Variants in SMYD1 observed in about 807,000 individuals in gnomAD.
SMYD1 encodes the protein SET and MYND domain containing 1.
Under a neutral mutation model 54.0 loss-of-function variants are expected in SMYD1, and 49 were observed. The observed-to-expected ratio is 0.91, with a 90% CI of 0.72 to 1.15. The LOEUF (loss-of-function observed/expected upper bound fraction) is 1.15. SMYD1 is among the 50% of genes most tolerant of loss of function. SMYD1 has a pLI of 0.00. For missense variants in SMYD1, 653 were observed against 639.6 expected (o/e 1.02, Z -0.23); for synonymous variants, 269 against 234.2 (o/e 1.15, Z -1.36).
intron 1 of SMYD1, among the ~76,000 whole-genome samples, chr2:88,079,474 T>C (rs1022938639): frequency 6.6e-6 from 1 of 152,108 alleles, no homozygotes; most frequent in East Asian, 1.9e-4. Flanking sequence ...CAGCGTGGAC[T>C]AAGTAAGGAC....
chr2:88,078,159 C>T (rs569397058), intron 1 of SMYD1, among the ~76,000 whole-genome samples: 2 of 152,258 alleles, frequency 1.3e-5, no homozygotes, highest in East Asian at 3.9e-4. Context: ...ATCAACCTGG[C>T]CCAGCCCTCT....
intron 6 of SMYD1, among the ~76,000 whole-genome samples, chr2:88,098,497 T>C (rs993759490): frequency 9.8e-5 from 15 of 152,346 alleles, no homozygotes; most frequent in South Asian, 4.1e-4. Context: ...CTTTCTATTA[T>C]ATTTTATATC....
chr2:88,075,321 T>C (rs1465460147), intron 1 of SMYD1, among the ~76,000 whole-genome samples: 1 of 152,164 alleles, frequency 6.6e-6, no homozygotes, highest in Non-Finnish European at 1.5e-5. Context: ...CCCATAATGA[T>C]GCTATCTTTA....
At position 88,087,869 on chromosome 2, in the gene SMYD1, G is replaced by T; in HGVS notation, c.322G>T (p.Ala108Ser). ...KVPNENIRLAARIMWRVEREG... is the reference protein window; with the variant it reads ...KVPNENIRLASRIMWRVEREG... ...ACGCTGCCCTTCCCACAGGCTGGCG[G>T]CGCGCATCATGTGGCGGGTGGAGAG... is the stretch of plus-strand genomic sequence containing the variant. The change falls in exon 3 of 10, where the codon GCG becomes TCG. Residue 108 changes from alanine (A) to serine (S), a missense_variant. Ala to Ser is a moderately conservative substitution (Grantham distance 99). Coordinates refer to ENST00000419482, the MANE Select transcript of SMYD1 (RefSeq NM_198274.4). The T allele has an allele frequency of 1.3e-6, 2 of 1,584,130 alleles. No individual in the cohort carries two copies. The highest frequency in any genetic ancestry group is 1.7e-6 in the Non-Finnish European group (2 of 1,164,446).
chr2:88,096,340 A>G (rs148881616), intron 5 of SMYD1, among the ~76,000 whole-genome samples: 19 of 152,326 alleles, frequency 1.2e-4, no homozygotes, highest in Non-Finnish European at 1.6e-4. Context: ...CCAGCTCTCT[A>G]CTAGGAGTCT....
In SMYD1 at chr2:88,108,466, G is replaced by C. The variant is rs749861575; in HGVS notation, c.1241G>C (p.Gly414Ala). 4 of 1,612,732 alleles carry C rather than the reference G, an allele frequency of 2.5e-6. No individual in the cohort carries two copies. The Admixed American group carries it at 6.7e-5, about 27-fold the overall frequency. The change falls in exon 9 of 10, where the codon GGG (glycine) becomes GCG (alanine). Residue 414 changes from glycine (G) to alanine (A), a missense_variant. Gly to Ala is a moderately conservative substitution (Grantham distance 60, BLOSUM62 0). Coordinates refer to ENST00000419482, the MANE Select transcript of SMYD1 (RefSeq NM_198274.4). ...GCTGGTAACATTGAGGTGGGGCACG[G>C]GATGATCTGCAAAGCCTATGCCATT... ...WHAGNIEVGH[G>A]MICKAYAILL...
chr2:88,101,351 G>A (rs559241586), intron 6 of SMYD1, among the ~76,000 whole-genome samples: 2 of 152,276 alleles, frequency 1.3e-5, no homozygotes, highest in South Asian at 4.1e-4. Context: ...TTCATATAGC[G>A]GAAAACTTTA....
In SMYD1 at chr2:88,112,472, C is replaced by T; in HGVS notation, c.*1960C>T. On this transcript the variant is annotated 3_prime_UTR_variant, in exon 10 of 10. Coordinates refer to ENST00000419482, the MANE Select transcript of SMYD1 (RefSeq NM_198274.4). ...CCAGACTTTGCTCCATCTATTATTG[C>T]TTCTCCATCCTGGATCCTTGACATT... 3.2e-6 allele frequency: 1 copy of T among 310,326 alleles called. No homozygotes were observed. Among genetic ancestry groups the T allele is most frequent in the Non-Finnish European group, 6.0e-6 (1 of 165,576 alleles). 19.2% of individuals were successfully genotyped at this position (310,326 alleles called of 1,614,324 possible).
chr2:88,106,549 A>G, intron 8 of SMYD1, 61 bp downstream of exon 8: 1 of 1,556,656 alleles, frequency 6.4e-7, no homozygotes, highest in East Asian at 2.3e-5. Context: ...CAGGGATGGC[A>G]AATAGATGGC....
chr2:88,086,483 T>G (rs1036552541), intron 2 of SMYD1, among the ~76,000 whole-genome samples: 2 of 152,164 alleles, frequency 1.3e-5, no homozygotes, highest in African/African-American at 4.8e-5. Flanking sequence ...TATACCCCTT[T>G]GTCTCATACT....
intron 1 of SMYD1, among the ~76,000 whole-genome samples, chr2:88,071,022 G>A (rs1673936978): frequency 6.9e-6 from 1 of 144,466 alleles, no homozygotes; most frequent in Non-Finnish European, 1.5e-5. Flanking sequence ...ATTTAGTTAT[G>A]TTTTGTTTTT....
chr2:88,107,538 A>T (rs538024129), intron 8 of SMYD1, among the ~76,000 whole-genome samples: 5 of 152,306 alleles, frequency 3.3e-5, no homozygotes, highest in African/African-American at 1.2e-4. Context: ...AAGCTCAGAT[A>T]ATATGGAGTC....
chr2:88,073,929 T>C (rs1463312106), intron 1 of SMYD1, among the ~76,000 whole-genome samples: 3 of 152,266 alleles, frequency 2.0e-5, no homozygotes, highest in Non-Finnish European at 2.9e-5. Flanking sequence ...ATTTGTTTAT[T>C]ACTCCTTTAT....
chr2:88,112,308 C>G lies in SMYD1; in HGVS notation c.*1796C>G. ...TTCCCCATATTCGTAGTCTTTTTTT[C>G]CATCCTATCTTTCTAATATTTGTTG... On this transcript the variant is annotated 3_prime_UTR_variant, in exon 10 of 10. Coordinates refer to ENST00000419482, the MANE Select transcript of SMYD1 (RefSeq NM_198274.4). 2 of 607,382 alleles carry G rather than the reference C, an allele frequency of 3.3e-6. No individual in the cohort carries two copies. Among genetic ancestry groups the G allele is most frequent in the East Asian group, 5.5e-5 (2 of 36,270 alleles). The allele number at this position is 607,382 out of a possible 1,614,324, so 37.6% of individuals were successfully genotyped here. A position where few individuals can be genotyped will look rare whatever the true frequency, so the allele number is the denominator to read the frequency against.
At chr2:88,074,111 C>T (rs1190177781) in intron 1 of SMYD1, among the ~76,000 whole-genome samples, 4 of 152,222 alleles carry the variant, frequency 2.6e-5, no homozygotes, top group Non-Finnish European at 5.9e-5. Flanking sequence ...AGAGATTTGC[C>T]TGCCTCAGCC....
At chr2:88,107,198 C>CA (rs552894410) in intron 8 of SMYD1, among the ~76,000 whole-genome samples, 86 of 145,142 alleles carry the variant, frequency 5.9e-4, no homozygotes, top group African/African-American at 1.0e-3. Context: ...AAGACTGTCT[C>CA]AAAAAAAAAA....
At chr2:88,084,592 G>T in intron 2 of SMYD1, 100 bp downstream of exon 2, 2 of 1,189,870 alleles carry the variant, frequency 1.7e-6, no homozygotes, top group South Asian at 1.7e-5. Flanking sequence ...CAAGCTGAGT[G>T]CAAGTCAGGA....
chr2:88,076,415 G>A lies in SMYD1; in HGVS notation c.138-7901G>A, dbSNP rs375315368. ...TGTTTGTTTGTTTTTAGTAGAGACG[G>A]GGTTTCGCCGTGTTGGCCAGGATGT... On this transcript the variant is annotated intron_variant, in intron 1 of 9. Transcript: ENST00000419482. Among the ~76,000 whole-genome samples the A allele has an allele frequency of 6.7e-4, 102 of 152,170 alleles. 1 individual carries two copies. The highest frequency in any genetic ancestry group is 2.4e-3 in the African/African-American group (99 of 41,520).
At chr2:88,072,471 T>C (rs1231920361) in intron 1 of SMYD1, among the ~76,000 whole-genome samples, 1 of 152,208 alleles carries the variant, frequency 6.6e-6, no homozygotes. Flanking sequence ...ATTAAATATA[T>C]GCTTTGATTG....
Sources: gnomAD v4.1 joint callset for allele counts (sites outside exome capture counted in the v4.1 genomes callset) on GRCh38, gnomAD v4.1.1 for gene constraint, MANE v1.5 for transcripts, NCBI Gene and HGNC (gene_info 2026-07-23, HGNC 2026-07-21) for gene names.